The following INSL6 variants were observed in gnomAD, a reference collection of about 807,000 sequenced individuals.
INSL6 encodes the protein insulin like 6, also known as insulin-like peptide INSL6.
A neutral mutation model predicts 9.4 loss-of-function variants in INSL6; 16 were observed. That is an observed-to-expected ratio of 1.70 (90% CI 1.15 to 2.59). The LOEUF is 2.59. Among genes scored for constraint, INSL6 ranks in the 30% most tolerant of loss-of-function variants. The pLI, the probability that INSL6 is intolerant of heterozygous loss-of-function variation, is 0.00. For missense variants in INSL6, 391 were observed against 257.3 expected, an observed-to-expected ratio of 1.52 and a Z score of -3.56; for synonymous variants, 154 against 96.9, an observed-to-expected ratio of 1.59 and a Z score of -3.46.
intron 1 of INSL6, among the ~76,000 whole-genome samples, chr9:5,178,969 A>G (rs532254913): frequency 6.6e-6 from 1 of 152,258 alleles, no homozygotes; most frequent in African/African-American, 2.4e-5. Context: ...TTCAAAACAA[A>G]AACACCAAAA....
the INSL6 span, among the ~76,000 whole-genome samples, chr9:5,101,525 G>T: frequency 6.6e-6 from 1 of 152,246 alleles, no homozygotes; most frequent in Non-Finnish European, 1.5e-5. Flanking sequence ...GAAGAGAGCA[G>T]TGTTTCTACC....
At chr9:5,099,734 C>T in the INSL6 span, 6 of 152,122 alleles carry the variant, frequency 3.9e-5, no homozygotes, top group African/African-American at 1.4e-4. Flanking sequence ...ATAATAATTA[C>T]CCATAACATT....
At chr9:5,000,643 T>A in the INSL6 span, among the ~76,000 whole-genome samples, 1 of 152,326 alleles carries the variant, frequency 6.6e-6, no homozygotes, top group African/African-American at 2.4e-5. Context: ...CCAATTTTTA[T>A]AAATTTTCCC....
the INSL6 span, among the ~76,000 whole-genome samples, chr9:5,116,064 T>A: frequency 0.28 from 42,392 of 150,130 alleles, 6,251 homozygotes; most frequent in African/African-American, 0.39. Context: ...TAATAAAATT[T>A]AAAAAAAAAA....
chr9:5,054,511 C>G, the INSL6 span: 1 of 1,412,146 alleles, frequency 7.1e-7, no homozygotes, highest in Non-Finnish European at 9.6e-7. This position sits in a 1 kb window ranked among gnomAD's most constrained non-coding sequence, Gnocchi z 4.9. Context: ...TTAGATTTAT[C>G]TTCCAATTTT....
chr9:4,998,256 T>C, the INSL6 span, among the ~76,000 whole-genome samples: 1 of 151,896 alleles, frequency 6.6e-6, no homozygotes, highest in Non-Finnish European at 1.5e-5. Flanking sequence ...CTCCAACGGG[T>C]TTTTTTGTTG....
the INSL6 span, among the ~76,000 whole-genome samples, chr9:5,028,367 A>G: frequency 6.6e-6 from 1 of 152,170 alleles, no homozygotes; most frequent in Non-Finnish European, 1.5e-5. Context: ...CTATATACAG[A>G]TGTGCTATCT....
chr9:5,101,883 A>C, the INSL6 span, among the ~76,000 whole-genome samples: 1 of 152,210 alleles, frequency 6.6e-6, no homozygotes, highest in Admixed American at 6.5e-5. Flanking sequence ...TCCACACCAA[A>C]ACCCCATCTG....
the INSL6 span, among the ~76,000 whole-genome samples, chr9:5,057,185 T>C: frequency 1.3e-5 from 2 of 152,094 alleles, no homozygotes; most frequent in African/African-American, 2.4e-5. Context: ...TGCTGAATTT[T>C]ATTCATGATA....
chr9:5,004,627 T>C, the INSL6 span, among the ~76,000 whole-genome samples: 2 of 151,994 alleles, frequency 1.3e-5, no homozygotes, highest in East Asian at 3.9e-4. Context: ...TGACATATTA[T>C]TTTTAGTTCC....
chr9:5,035,980 C>T, the INSL6 span, among the ~76,000 whole-genome samples: 1 of 152,118 alleles, frequency 6.6e-6, no homozygotes, highest in Admixed American at 6.5e-5. Context: ...ATCTGGAAAA[C>T]CCCATCGTCT....
At chr9:5,000,805 A>G in the INSL6 span, among the ~76,000 whole-genome samples, 42 of 152,276 alleles carry the variant, frequency 2.8e-4, no homozygotes, top group African/African-American at 9.9e-4. Context: ...TAAGAACTGG[A>G]TAAAGAAGGT....
At chr9:5,128,142 T>C (rs1057515602) in intron 3 of INSL6, 6 of 231,726 alleles carry the variant, frequency 2.6e-5, no homozygotes, top group Non-Finnish European at 5.1e-5. Flanking sequence ...AAACTTAAAA[T>C]ACTTGCTGTT....
chr9:5,184,419 A>C (rs1825522726), intron 1 of INSL6, among the ~76,000 whole-genome samples: 1 of 152,230 alleles, frequency 6.6e-6, no homozygotes, highest in Non-Finnish European at 1.5e-5. Context: ...ACAAAATGTA[A>C]AAACATAGTA....
chr9:4,992,836 A>G, the INSL6 span, among the ~76,000 whole-genome samples: 3 of 152,330 alleles, frequency 2.0e-5, no homozygotes, highest in African/African-American at 7.2e-5. Flanking sequence ...GCAATTCTGC[A>G]ACCTCACTGG....
intron 2 of INSL6, among the ~76,000 whole-genome samples, chr9:5,135,525 G>C (rs1586855708): frequency 6.6e-6 from 1 of 152,034 alleles, no homozygotes. Flanking sequence ...ATGACTACTG[G>C]GGTAAATAAC....
chr9:5,037,012 A>G, the INSL6 span, among the ~76,000 whole-genome samples: 32 of 152,330 alleles, frequency 2.1e-4, no homozygotes, highest in African/African-American at 7.2e-4. Flanking sequence ...TAACAAATTT[A>G]CAAGAAAACA....
chr9:4,997,101 A>G, the INSL6 span, among the ~76,000 whole-genome samples: 1 of 150,306 alleles, frequency 6.7e-6, no homozygotes, highest in Non-Finnish European at 1.5e-5. Flanking sequence ...GCTAATTTTT[A>G]TATTTTTTTT....
the INSL6 span, chr9:5,108,014 G>A: frequency 6.6e-6 from 1 of 152,100 alleles, no homozygotes; most frequent in South Asian, 2.1e-4. Flanking sequence ...ACCATCCACA[G>A]CCTACTTATC....
Sources: gnomAD v4.1 joint callset for allele counts (sites outside exome capture counted in the v4.1 genomes callset) on GRCh38, gnomAD v4.1.1 for gene constraint, Gnocchi (gnomAD v3.1) non-coding constraint, MANE v1.5 for transcripts, NCBI Gene and HGNC (gene_info 2026-07-23, HGNC 2026-07-21) for gene names.